Variants in TFAP4 observed in about 807,000 individuals in gnomAD.
The protein encoded by TFAP4 is activating enhancer-binding protein 4.
TFAP4 carries 7 observed loss-of-function variants against 40.4 expected under a neutral mutation model. That is an observed-to-expected ratio of 0.17 (90% CI 0.10 to 0.33). The LOEUF is 0.33. Ranked by LOEUF, TFAP4 falls within the 10% of genes least tolerant of loss-of-function variation. The probability of loss-of-function intolerance (pLI) is 1.00; values close to 1 mark genes in which losing one functional copy is unlikely to be tolerated. For synonymous variants in TFAP4, 218 were observed against 181.4 expected (o/e 1.20, Z -1.62); for missense variants, 374 against 451.1 (o/e 0.83, Z 1.55).
In TFAP4 at chr16:4,260,533, C is replaced by T. The variant is rs767887745; in HGVS notation, c.588G>A (p.Gln196=). The change falls in exon 5 of 7, where the codon CAG becomes CAA. Residue 196 remains glutamine (Q), a synonymous_variant. Transcript: ENST00000204517. The part of the protein sequence containing the change: ...EKLKVIAQQV[Q]LQQQQEQVRL... The stretch of plus-strand genomic sequence containing the variant: ...TCACCTGTTCCTGCTGCTGCTGCAG[C>T]TGCACCTGCTGCGCAATCACCTTGA... The T allele has an allele frequency of 9.9e-6, 16 of 1,611,568 alleles. No homozygotes were observed. In the South Asian group the frequency reaches 1.8e-4, roughly 18 times the overall value.
At chr16:4,270,391 G>C (rs1567203354) in intron 1 of TFAP4, among the ~76,000 whole-genome samples, 1 of 152,176 alleles carries the variant, frequency 6.6e-6, no homozygotes, top group Non-Finnish European at 1.5e-5. Context: ...GTCACTGAGG[G>C]ATGGAGCAAA....
In TFAP4 at chr16:4,257,419, G is replaced by C. The variant is rs1327764403; in HGVS notation, c.*636C>G. On this transcript the variant is annotated 3_prime_UTR_variant, in exon 7 of 7. Transcript: ENST00000204517. ...CAAACAAAACAAAAAGAGAGAGACA[G>C]ACATTTTTGGGGTGGAAGATGAGAC... The C allele has an allele frequency of 7.1e-6, 1 of 140,376 alleles. No individual in the cohort carries two copies. The allele number at this position is 140,376 out of a possible 1,614,324, so 8.7% of individuals were successfully genotyped here.
In TFAP4 at chr16:4,272,849, A is replaced by C; in HGVS notation, c.-103T>G. ...GGGCAGCGCCGGACGGAGGTGCAGAATCGGCCGGTCCCAGATGCTGGCGGC... is the reference window on the plus strand; with the variant it reads ...GGGCAGCGCCGGACGGAGGTGCAGACTCGGCCGGTCCCAGATGCTGGCGGC... On this transcript the variant is annotated 5_prime_UTR_variant, in exon 1 of 7. Coordinates refer to ENST00000204517, the MANE Select transcript of TFAP4 (RefSeq NM_003223.3). The C allele has an allele frequency of 1.3e-6, 1 of 789,882 alleles. No homozygotes were observed. The allele number at this position is 789,882 out of a possible 1,614,324, so 48.9% of individuals were successfully genotyped here. A position where few individuals can be genotyped will look rare whatever the true frequency, so the allele number is the denominator to read the frequency against.
At position 4,271,988 on chromosome 16, in the gene TFAP4, G is replaced by A. The variant is rs536672887; in HGVS notation, c.89+670C>T. Among the ~76,000 whole-genome samples the A allele has an allele frequency of 2.0e-5, 3 of 152,096 alleles. No homozygotes were observed. In the East Asian group the frequency reaches 5.8e-4, roughly 29 times the overall value. On this transcript the variant is annotated intron_variant, in intron 1 of 6. Transcript: ENST00000204517. ...GGCTGCAGAGTCACGTCCAGGCCTC[G>A]CTAGTAAACAGCGCCCGGGCGCGGG...
chr16:4,268,149 G>A (rs760538977), intron 1 of TFAP4: 2 of 152,280 alleles, frequency 1.3e-5, no homozygotes, highest in Non-Finnish European at 2.9e-5. Flanking sequence ...ATCAAGAAAG[G>A]CCAGGCACGG....
chr16:4,267,975 C>T (rs1242121417), intron 1 of TFAP4: 1 of 152,608 alleles, frequency 6.6e-6, no homozygotes, highest in African/African-American at 2.4e-5. Flanking sequence ...CCTCCCTTCC[C>T]CAAAGCTCCT....
At chr16:4,262,806 CA>C (rs2052960573) in intron 1 of TFAP4, 105 bp from the exon 2 acceptor site, 1 of 1,307,810 alleles carries the variant, frequency 7.6e-7, no homozygotes, top group Admixed American at 2.0e-5. Context: ...CAAAAGATGC[CA>C]GGCCACCCCC....
chr16:4,265,609 C>CAAAAAAAAAAAAAAAA lies in TFAP4; in HGVS notation c.90-2924_90-2909dup, dbSNP rs71394667. ...TGGGCAACAGAGTGAGACCTTGTCT[C>CAAAAAAAAAAAAAAAA]AAAAAAAAAAAAAAAAAAAAAAAAA... On this transcript the variant is annotated intron_variant, in intron 1 of 6. Transcript: ENST00000204517. 3 of 39,086 alleles carry CAAAAAAAAAAAAAAAA rather than the reference C, an allele frequency of 7.7e-5. 1 individual carries two copies. Among genetic ancestry groups the CAAAAAAAAAAAAAAAA allele is most frequent in the African/African-American group, 1.1e-4 (1 of 9,192 alleles). 2.4% of individuals were successfully genotyped at this position (39,086 alleles called of 1,614,324 possible). A position where few individuals can be genotyped will look rare whatever the true frequency, so the allele number is the denominator to read the frequency against.
At chr16:4,269,869 C>CTGCCAGGTATACCATA (rs2053028056) in intron 1 of TFAP4, among the ~76,000 whole-genome samples, 1 of 152,106 alleles carries the variant, frequency 6.6e-6, no homozygotes, top group Non-Finnish European at 1.5e-5. Flanking sequence ...TACCATATAC[C>CTGCCAGGTATACCATA]TGCCCATATA....
intron 1 of TFAP4, chr16:4,266,310 G>A (rs1277935244): frequency 5.3e-5 from 8 of 152,142 alleles, no homozygotes; most frequent in Non-Finnish European, 1.0e-4. Context: ...CAGTCTCCTG[G>A]CTCAGAAACC....
intron 1 of TFAP4, chr16:4,266,750 C>T (rs1202119437): frequency 1.3e-5 from 2 of 152,170 alleles, no homozygotes; most frequent in Admixed American, 6.5e-5. Flanking sequence ...TTTGCATTTA[C>T]GGTTAAGGTC....
Position 4,260,602 on chromosome 16 carries a change from G to T in TFAP4, c.526-7C>A, listed in dbSNP as rs1303897780. ...GGGCCTCCAGCGAGCGCACCTGGAGGCAGGACAACCTGGGCTCAGGGCCAA... is the reference window on the plus strand; with the variant it reads ...GGGCCTCCAGCGAGCGCACCTGGAGTCAGGACAACCTGGGCTCAGGGCCAA... On this transcript the variant is annotated splice_polypyrimidine_tract_variant and splice_region_variant and intron_variant, in intron 4 of 6. Transcript: ENST00000204517. 6.3e-7 allele frequency: 1 copy of T among 1,588,342 alleles called. No homozygotes were observed. The highest frequency in any genetic ancestry group is 2.3e-5 in the East Asian group (1 of 44,442).
intron 6 of TFAP4, chr16:4,258,482 T>C (rs1597310639): frequency 7.1e-6 from 3 of 421,620 alleles, no homozygotes; most frequent in Non-Finnish European, 1.3e-5. Context: ...GGCATGATCA[T>C]AGCTTACTGC....
At chr16:4,266,708 GC>G (rs1467592582) in intron 1 of TFAP4, 2 of 152,212 alleles carry the variant, frequency 1.3e-5, no homozygotes, top group Non-Finnish European at 1.5e-5. Context: ...TTCTGCAAAT[GC>G]CTGAAAGTTT....
chr16:4,262,171 G>T, intron 3 of TFAP4, 153 bp downstream of exon 3: 1 of 993,772 alleles, frequency 1.0e-6, no homozygotes, highest in Non-Finnish European at 1.5e-6. Flanking sequence ...CTTGACCGAT[G>T]GGGAAACTGA....
At chr16:4,262,151 C>A (rs1373951898) in intron 3 of TFAP4, 173 bp downstream of exon 3, 8 of 902,806 alleles carry the variant, frequency 8.9e-6, no homozygotes, top group African/African-American at 5.0e-5. Flanking sequence ...CCAGAGCCCA[C>A]TCCACCGCAC....
At position 4,261,890 on chromosome 16, in the gene TFAP4, G is replaced by A. The variant is rs1358231672; in HGVS notation, c.414C>T (p.Gly138=). ...RRAEDKDEGI[G]SPDIWEDEKA... ...TCTCGTCCTCCCAGATGTCCGGGGA[G>A]CCTATGCCTTCGTCCTTGTCCTCTG... Residue 138 remains glycine, a synonymous_variant, in exon 4 of 7, where the codon GGC becomes GGT. Transcript: ENST00000204517. 7 of 1,613,538 alleles carry A rather than the reference G, an allele frequency of 4.3e-6. No homozygotes were observed. The highest frequency in any genetic ancestry group is 5.1e-6 in the Non-Finnish European group (6 of 1,179,914).
At chr16:4,258,420 A>C in intron 6 of TFAP4, 171 bp from the exon 7 acceptor site, 1 of 601,212 alleles carries the variant, frequency 1.7e-6, no homozygotes, top group Non-Finnish European at 2.8e-6. Flanking sequence ...AACTCCTTTT[A>C]CTTTTTTTTT....
At chr16:4,268,670 T>C (rs1468938771) in intron 1 of TFAP4, among the ~76,000 whole-genome samples, 1 of 152,134 alleles carries the variant, frequency 6.6e-6, no homozygotes, top group East Asian at 1.9e-4. Context: ...CGGCTTACTG[T>C]AGCCTCAACT....
Sources: allele counts gnomAD v4.1 joint callset (sites outside exome capture counted in the v4.1 genomes callset), GRCh38; gene constraint gnomAD v4.1.1; transcripts MANE v1.5; gene names NCBI Gene and HGNC (gene_info 2026-07-23, HGNC 2026-07-21).